Variants in NOBOX observed in about 807,000 individuals in gnomAD.
NOBOX encodes the protein NOBOX oogenesis homeobox, also known as homeobox protein NOBOX.
A neutral mutation model predicts 60.2 loss-of-function variants in NOBOX; 46 were observed. That is an observed-to-expected ratio of 0.76 (90% CI 0.60 to 0.98). The LOEUF (loss-of-function observed/expected upper bound fraction) is 0.98. Ranked by LOEUF, NOBOX falls within the 50% of genes least tolerant of loss-of-function variation. The pLI is 0.00. For missense variants in NOBOX, 880 were observed against 865.5 expected (o/e 1.02, Z -0.21); for synonymous variants, 360 against 346.3 (o/e 1.04, Z -0.44).
chr7:144,398,601 G>C lies in NOBOX; in HGVS notation c.1470-15C>G. 6.5e-7 allele frequency: 1 copy of C among 1,532,416 alleles called. No individual in the cohort carries two copies. Among genetic ancestry groups the C allele is most frequent in the African/African-American group, 1.4e-5 (1 of 72,902 alleles). The allele number at this position is 1,532,416 out of a possible 1,614,324, so 94.9% of individuals were successfully genotyped here. On this transcript the variant is annotated splice_polypyrimidine_tract_variant and intron_variant, in intron 8 of 9. Coordinates refer to ENST00000467773, the MANE Select transcript of NOBOX (RefSeq NM_001080413.3). ...GCAGGGTGATGCTGCAAGGACAGAG[G>C]AACAGCTGGTGAGGTGCAGGGGTGG... is the stretch of plus-strand genomic sequence containing the variant.
chr7:144,398,372 G>A lies in NOBOX; in HGVS notation c.1684C>T (p.Pro562Ser). The A allele has an allele frequency of 6.5e-7, 1 of 1,537,262 alleles. No individual in the cohort carries two copies. Among genetic ancestry groups the A allele is most frequent in the East Asian group, 2.4e-5 (1 of 40,904 alleles). Reference sequence around the variant, plus strand: ...GATGTGCCCCCGCTGGGGCCACAGGGAAACATAAAGAGAGAGTCTTCGGGC... The same window carrying A: ...GATGTGCCCCCGCTGGGGCCACAGGAAAACATAAAGAGAGAGTCTTCGGGC... The change falls in exon 9 of 10, where the codon CCC (proline) becomes TCC (serine). Residue 562 changes from proline (P) to serine (S), a missense_variant. Pro to Ser is a moderately conservative substitution (Grantham distance 74). Transcript: ENST00000467773.
intron 2 of NOBOX, among the ~76,000 whole-genome samples, chr7:144,402,400 A>T (rs186610396): frequency 3.2e-4 from 49 of 152,282 alleles, no homozygotes; most frequent in African/African-American, 1.0e-3. Flanking sequence ...GCACCTTTCA[A>T]AGATTAGCAC....
At chr7:144,408,212 A>G (rs1183757298) in intron 1 of NOBOX, among the ~76,000 whole-genome samples, 1 of 149,830 alleles carries the variant, frequency 6.7e-6, no homozygotes, top group African/African-American at 2.5e-5. Flanking sequence ...AGGGTCACTG[A>G]TCAAGCTGTA....
chr7:144,399,462 G>C lies in NOBOX; in HGVS notation c.1175C>G (p.Pro392Arg). 1 of 1,582,848 alleles carries C rather than the reference G, an allele frequency of 6.3e-7. No individual in the cohort carries two copies. Among genetic ancestry groups the C allele is most frequent in the South Asian group, 1.2e-5 (1 of 85,984 alleles). ...AGGCTTTGGCTCCATGGGCACAGCAGGTAGGATCTCAGCTGCAGAGCTGGA... is the reference window on the plus strand; with the variant it reads ...AGGCTTTGGCTCCATGGGCACAGCACGTAGGATCTCAGCTGCAGAGCTGGA... Residue 392 changes from proline to arginine, a missense_variant, in exon 7 of 10, where the codon CCT becomes CGT. Transcript: ENST00000467773.
intron 1 of NOBOX, among the ~76,000 whole-genome samples, chr7:144,404,998 C>G (rs2053975855): frequency 6.6e-6 from 1 of 152,176 alleles, no homozygotes; most frequent in East Asian, 1.9e-4. Context: ...CTGGACACCA[C>G]GTGCTTTCAT....
At chr7:144,399,611 T>A in intron 6 of NOBOX, 129 bp from the exon 5 acceptor site, 1 of 1,124,832 alleles carries the variant, frequency 8.9e-7, no homozygotes. Context: ...CCCGATCCCA[T>A]GGCAGCCAAA....
intron 1 of NOBOX, among the ~76,000 whole-genome samples, chr7:144,408,076 G>A (rs1033216631): frequency 1.3e-5 from 2 of 151,768 alleles, no homozygotes; most frequent in East Asian, 3.9e-4. Flanking sequence ...CTCAAAACCC[G>A]GCCCCAACCT....
chr7:144,403,605 C>T, intron 2 of NOBOX, 52 bp downstream of exon 1: 2 of 684,788 alleles, frequency 2.9e-6, no homozygotes, highest in Admixed American at 2.1e-5. Flanking sequence ...CTCCCCCCCT[C>T]CCCGAACCCC....
At chr7:144,403,469 G>A (rs985648102) in intron 2 of NOBOX, among the ~76,000 whole-genome samples, 188 bp downstream of exon 1, 1 of 151,814 alleles carries the variant, frequency 6.6e-6, no homozygotes, top group Non-Finnish European at 1.5e-5. Context: ...GGGGAGGGGG[G>A]TTGCAATCCC....
chr7:144,401,826 G>T lies in NOBOX; in HGVS notation c.292+43C>A. 1 of 1,351,450 alleles carries T rather than the reference G, an allele frequency of 7.4e-7. No individual in the cohort carries two copies. The highest frequency in any genetic ancestry group is 1.2e-5 in the South Asian group (1 of 80,588). 83.7% of individuals were successfully genotyped at this position (1,351,450 alleles called of 1,614,324 possible). Reference sequence around the variant, plus strand: ...TGTAGACAAATTTATGCAATTCTGAGACGGCGTTAGCTCATGGTATCTCCT... The same window carrying T: ...TGTAGACAAATTTATGCAATTCTGATACGGCGTTAGCTCATGGTATCTCCT... On this transcript the variant is annotated intron_variant, in intron 3 of 9. Coordinates refer to ENST00000467773, the MANE Select transcript of NOBOX (RefSeq NM_001080413.3). The surrounding 1 kb of genome is among the most constrained non-coding windows in gnomAD (Gnocchi z 4.2).
intron 9 of NOBOX, among the ~76,000 whole-genome samples, 153 bp downstream of exon 7, chr7:144,398,129 C>T (rs1048777440): frequency 2.6e-5 from 4 of 152,162 alleles, no homozygotes; most frequent in East Asian, 1.9e-4. Flanking sequence ...CTGCAGAATT[C>T]GAGGGAGAAG....
intron 8 of NOBOX, 54 bp downstream of exon 6, chr7:144,398,896 C>T (rs945407857): frequency 1.3e-5 from 13 of 974,904 alleles, no homozygotes; most frequent in Admixed American, 8.5e-5. Context: ...TCCATCTACA[C>T]CCCCCTACCC....
At position 144,401,414 on chromosome 7, in the gene NOBOX, C is replaced by T; in HGVS notation, c.476G>A (p.Cys159Tyr). The change falls in exon 4 of 10, where the codon TGC (cysteine) becomes TAC (tyrosine). Residue 159 changes from cysteine (C) to tyrosine (Y), a missense_variant. Transcript: ENST00000467773. The surrounding 1 kb of genome is among the most constrained non-coding windows in gnomAD (Gnocchi z 4.2). ...GGGAGCCCTGGAGCGGGGGGGCGGG[C>T]ACAGTCTCCCAGCATCAGCCCCGGT... The T allele has an allele frequency of 6.2e-7, 1 of 1,611,690 alleles. No individual in the cohort carries two copies. Among genetic ancestry groups the T allele is most frequent in the South Asian group, 1.1e-5 (1 of 90,928 alleles).
At chr7:144,402,793 G>A (rs376873621) in intron 2 of NOBOX, among the ~76,000 whole-genome samples, 1 of 116,980 alleles carries the variant, frequency 8.5e-6, no homozygotes, top group African/African-American at 3.4e-5. Flanking sequence ...GTCTCGCTCC[G>A]TCGCCCAGGC....
intron 1 of NOBOX, among the ~76,000 whole-genome samples, chr7:144,408,346 C>G (rs922003819): frequency 6.6e-6 from 1 of 152,050 alleles, no homozygotes; most frequent in Non-Finnish European, 1.5e-5. Context: ...GAATTAACTG[C>G]CCCCTCCTAG....
At position 144,399,072 on chromosome 7, in the gene NOBOX, T is replaced by C; in HGVS notation, c.1347A>G (p.Arg449=). The C allele has an allele frequency of 9.4e-7, 1 of 1,062,640 alleles. No homozygotes were observed. Among genetic ancestry groups the C allele is most frequent in the Non-Finnish European group, 1.4e-6 (1 of 707,884 alleles). 65.8% of individuals were successfully genotyped at this position (1,062,640 alleles called of 1,614,324 possible). Residue 449 remains arginine, a synonymous_variant, in exon 8 of 10, where the codon CGA becomes CGG. Coordinates refer to ENST00000467773, the MANE Select transcript of NOBOX (RefSeq NM_001080413.3). ...CAAGGGGGAAAGGAAGATCGGCCCT[T>C]CGCACAGGTGGGGGGCTGAAGAGTG...
At position 144,401,352 on chromosome 7, in the gene NOBOX, T is replaced by G; in HGVS notation, c.538A>C (p.Thr180Pro). ...GGGAGGGAACAATCTTCCCCCTGAGTCTGGGGCCTGGAGCGGGCTAGAGTT... is the reference window on the plus strand; with the variant it reads ...GGGAGGGAACAATCTTCCCCCTGAGGCTGGGGCCTGGAGCGGGCTAGAGTT... The change falls in exon 4 of 10, where the codon ACT becomes CCT. Residue 180 changes from threonine (T) to proline (P), a missense_variant. By Grantham distance (38) the Thr-to-Pro change is conservative. Coordinates refer to ENST00000467773, the MANE Select transcript of NOBOX (RefSeq NM_001080413.3). This position sits in a 1 kb window ranked among gnomAD's most constrained non-coding sequence, Gnocchi z 4.2. 1 of 1,613,816 alleles carries G rather than the reference T, an allele frequency of 6.2e-7. No individual in the cohort carries two copies. Among genetic ancestry groups the G allele is most frequent in the Non-Finnish European group, 8.5e-7 (1 of 1,179,830 alleles).
At chr7:144,402,014 G>A in intron 2 of NOBOX, 3 of 1,245,372 alleles carry the variant, frequency 2.4e-6, no homozygotes, top group Non-Finnish European at 3.5e-6. Context: ...TCCCAAGGCG[G>A]GATGCTGTTT....
Position 144,398,436 on chromosome 7 carries a change from A to C in NOBOX, c.1620T>G (p.Thr540=). The stretch of plus-strand genomic sequence containing the variant: ...GTGAACTGGGCATGGAGAAGGGGAA[A>C]GTGGGGAGGTAGGGCAACTTGGGCT... The change falls in exon 9 of 10, where the codon ACT becomes ACG. Residue 540 remains threonine, a synonymous_variant. Coordinates refer to ENST00000467773, the MANE Select transcript of NOBOX (RefSeq NM_001080413.3). 1 of 1,537,196 alleles carries C rather than the reference A, an allele frequency of 6.5e-7. No individual in the cohort carries two copies.
Sources: gnomAD v4.1 joint callset for allele counts (sites outside exome capture counted in the v4.1 genomes callset) on GRCh38, gnomAD v4.1.1 for gene constraint, Gnocchi (gnomAD v3.1) non-coding constraint, MANE v1.5 for transcripts, NCBI Gene and HGNC (gene_info 2026-07-23, HGNC 2026-07-21) for gene names.